MCC: variants seen among roughly 807,000 people sequenced by gnomAD.
MCC encodes the protein colorectal mutant cancer protein.
In MCC, 90 loss-of-function variants were observed where a neutral mutation model predicts 116.2. The ratio of observed to expected loss-of-function variants is 0.77; its 90% CI spans 0.65 to 0.92. The LOEUF is 0.92. Among genes scored for constraint, MCC ranks in the 40% least tolerant of loss-of-function variants. MCC has a pLI of 0.00. For missense variants in MCC, 1,516 were observed against 1,312.2 expected, an observed-to-expected ratio of 1.16 and a Z score of -2.40; for synonymous variants, 578 against 510.5, an observed-to-expected ratio of 1.13 and a Z score of -1.78.
At chr5:113,139,314 G>C (rs1426555221) in intron 5 of MCC, among the ~76,000 whole-genome samples, 4 of 152,102 alleles carry the variant, frequency 2.6e-5, no homozygotes, top group Non-Finnish European at 5.9e-5. Context: ...GTTGAGCCTA[G>C]TTTTCAGTTA....
At chr5:113,356,638 C>CT (rs1043441193) in intron 2 of MCC, among the ~76,000 whole-genome samples, 5 of 152,128 alleles carry the variant, frequency 3.3e-5, no homozygotes, top group African/African-American at 1.2e-4. Context: ...TACTTGGCAG[C>CT]TACAAGTTAG....
At chr5:113,120,901 T>C (rs1371929624) in intron 6 of MCC, among the ~76,000 whole-genome samples, 2 of 152,160 alleles carry the variant, frequency 1.3e-5, no homozygotes, top group African/African-American at 2.4e-5. Flanking sequence ...TTCAAGACAC[T>C]ATAAACCCAT....
chr5:113,073,359 C>T (rs978672197), intron 11 of MCC, among the ~76,000 whole-genome samples: 2 of 152,232 alleles, frequency 1.3e-5, no homozygotes, highest in Non-Finnish European at 1.5e-5. Context: ...TGTGCTGCTT[C>T]CACTCTTATC....
intron 3 of MCC, among the ~76,000 whole-genome samples, chr5:113,332,910 T>C (rs2150375435): frequency 6.6e-6 from 1 of 151,786 alleles, no homozygotes; most frequent in South Asian, 2.1e-4. Context: ...CCCAGTAATC[T>C]TTTTGCTTTA....
intron 17 of MCC, among the ~76,000 whole-genome samples, chr5:113,037,673 G>A (rs1477203280): frequency 6.6e-6 from 1 of 152,174 alleles, no homozygotes; most frequent in Non-Finnish European, 1.5e-5. Flanking sequence ...CGGCCTGGAT[G>A]ACAGAGTGAG....
intron 3 of MCC, among the ~76,000 whole-genome samples, chr5:113,330,565 C>T (rs1206568731): frequency 1.3e-5 from 2 of 152,154 alleles, no homozygotes; most frequent in Non-Finnish European, 2.9e-5. Flanking sequence ...AAAGAAACTA[C>T]AAGAAATGAT....
chr5:113,159,812 G>T (rs1760380797), intron 3 of MCC, among the ~76,000 whole-genome samples: 1 of 152,170 alleles, frequency 6.6e-6, no homozygotes, highest in African/African-American at 2.4e-5. Flanking sequence ...CCAGCTAGGG[G>T]CACCTGCTAT....
chr5:113,089,761 G>A (rs1755466804), intron 8 of MCC, among the ~76,000 whole-genome samples: 7 of 152,186 alleles, frequency 4.6e-5, no homozygotes, highest in Admixed American at 3.9e-4. Flanking sequence ...AGTAGCTACT[G>A]TACCCATCAG....
intron 3 of MCC, among the ~76,000 whole-genome samples, chr5:113,308,699 T>C (rs553897206): frequency 1.2e-4 from 18 of 152,054 alleles, no homozygotes; most frequent in African/African-American, 3.1e-4. Context: ...TGGTCCCAGC[T>C]ACTCAGGACG....
intron 15 of MCC, 124 bp downstream of exon 15, chr5:113,053,601 A>T: frequency 1.5e-6 from 1 of 656,130 alleles, no homozygotes; most frequent in African/African-American, 1.8e-5. Flanking sequence ...GTCTATAAAC[A>T]AGGGTCTAGC....
chr5:113,254,196 C>T (rs535785543), intron 3 of MCC, among the ~76,000 whole-genome samples: 1 of 152,260 alleles, frequency 6.6e-6, no homozygotes, highest in East Asian at 1.9e-4. Context: ...TTATTTTAAA[C>T]TCAGAATTTC....
chr5:113,313,172 C>T (rs1179734963), intron 3 of MCC, among the ~76,000 whole-genome samples: 2 of 152,022 alleles, frequency 1.3e-5, no homozygotes, highest in Admixed American at 1.3e-4. Flanking sequence ...TGGTGAAACC[C>T]CGTCTCTACT....
At chr5:113,033,701 GC>G (rs571796978) in intron 17 of MCC, among the ~76,000 whole-genome samples, 2 of 152,016 alleles carry the variant, frequency 1.3e-5, no homozygotes, top group Non-Finnish European at 2.9e-5. Flanking sequence ...CCTTTTTTAT[GC>G]CCAGTAGTAT....
chr5:113,424,025 A>G (rs1770416009), intron 1 of MCC, among the ~76,000 whole-genome samples: 1 of 152,072 alleles, frequency 6.6e-6, no homozygotes, highest in African/African-American at 2.4e-5. Flanking sequence ...TGCCTGGGCC[A>G]AAAGAAAATA....
At chr5:113,059,461 G>C (rs1463356527) in intron 14 of MCC, among the ~76,000 whole-genome samples, 1 of 152,310 alleles carries the variant, frequency 6.6e-6, no homozygotes, top group African/African-American at 2.4e-5. Flanking sequence ...GCTGGCTGCT[G>C]GGCAAGGGTT....
intron 1 of MCC, chr5:113,435,506 G>A (rs1770825665): frequency 6.6e-6 from 1 of 152,228 alleles, no homozygotes; most frequent in Non-Finnish European, 1.5e-5. Flanking sequence ...CAGGGGATGG[G>A]AGGAAGTCCC....
At chr5:113,176,399 A>G (rs13359897) in intron 3 of MCC, among the ~76,000 whole-genome samples, 1 of 152,220 alleles carries the variant, frequency 6.6e-6, no homozygotes, top group African/African-American at 2.4e-5. Context: ...TGTGCTGCCA[A>G]CACTCAGACA....
intron 2 of MCC, among the ~76,000 whole-genome samples, chr5:113,361,310 T>C (rs1768542363): frequency 6.6e-6 from 1 of 152,130 alleles, no homozygotes. Context: ...TGCTTTTCTA[T>C]TTTATTAATT....
intron 3 of MCC, among the ~76,000 whole-genome samples, chr5:113,301,172 G>C (rs1766852177): frequency 6.6e-6 from 1 of 152,164 alleles, no homozygotes; most frequent in Non-Finnish European, 1.5e-5. Context: ...TACCTTTAAA[G>C]AGATAGTTAC....
Sources: allele counts gnomAD v4.1 joint callset (sites outside exome capture counted in the v4.1 genomes callset), GRCh38; gene constraint gnomAD v4.1.1; transcripts MANE v1.5; gene names NCBI Gene and HGNC (gene_info 2026-07-23, HGNC 2026-07-21).